PPFIBP2: variants seen among roughly 807,000 people sequenced by gnomAD.
The protein encoded by PPFIBP2 is PPFIB scaffold protein 2.
In PPFIBP2, 118 loss-of-function variants were observed where a neutral mutation model predicts 118.3. The observed-to-expected ratio is 1.00, with a 90% CI of 0.86 to 1.16. The LOEUF (loss-of-function observed/expected upper bound fraction) is 1.16. Ranked by LOEUF, PPFIBP2 falls within the 50% of genes most tolerant of loss-of-function variation. The pLI, the probability that PPFIBP2 is intolerant of heterozygous loss-of-function variation, is 0.00. For synonymous variants in PPFIBP2, 414 were observed against 397.4 expected, an observed-to-expected ratio of 1.04 and a Z score of -0.50; for missense variants, 1,195 against 1,073.1, an observed-to-expected ratio of 1.11 and a Z score of -1.59.
At chr11:7,635,476 C>T (rs942049743) in intron 13 of PPFIBP2, 76 bp from the exon 14 acceptor site, 2 of 1,399,334 alleles carry the variant, frequency 1.4e-6, no homozygotes, top group Admixed American at 1.7e-5. Flanking sequence ...AACAGGTAGT[C>T]CTGAGTTGTT....
At chr11:7,597,414 C>T (rs908989637) in intron 4 of PPFIBP2, 146 bp from the exon 5 acceptor site, 4 of 1,538,332 alleles carry the variant, frequency 2.6e-6, no homozygotes, top group Admixed American at 3.9e-5. Context: ...AGGACACTTC[C>T]TCCACCTGCC....
intron 12 of PPFIBP2, 137 bp from the exon 13 acceptor site, chr11:7,634,358 T>A (rs1851173235): frequency 4.4e-6 from 3 of 683,926 alleles, no homozygotes; most frequent in Non-Finnish European, 7.6e-6. Context: ...GTAAAGGCTA[T>A]TATGAGAGGG....
chr11:7,542,164 A>T (rs1851857536), intron 1 of PPFIBP2, among the ~76,000 whole-genome samples: 1 of 152,228 alleles, frequency 6.6e-6, no homozygotes. Flanking sequence ...ACAGGAGGAA[A>T]AATGGTGTGC....
chr11:7,515,811 C>T (rs764865049), intron 1 of PPFIBP2, among the ~76,000 whole-genome samples: 6 of 152,144 alleles, frequency 3.9e-5, no homozygotes, highest in Non-Finnish European at 8.8e-5. Context: ...GGTCCTTGAC[C>T]CTCCCAATTC....
the PPFIBP2 span, among the ~76,000 whole-genome samples, chr11:7,662,835 C>G: frequency 5.3e-5 from 8 of 151,204 alleles, no homozygotes; most frequent in African/African-American, 1.9e-4. Flanking sequence ...TTCTTGGAGG[C>G]TTTGTTCATT....
At chr11:7,566,070 A>G (rs959058882) in intron 3 of PPFIBP2, among the ~76,000 whole-genome samples, 17 of 151,836 alleles carry the variant, frequency 1.1e-4, no homozygotes, top group African/African-American at 3.6e-4. Flanking sequence ...CTCGAATTAC[A>G]TGTACTGCTT....
At chr11:7,598,108 C>A (rs1251509918) in intron 5 of PPFIBP2, 3 of 153,650 alleles carry the variant, frequency 2.0e-5, no homozygotes, top group African/African-American at 7.7e-5. Flanking sequence ...ATATAAATAA[C>A]CTTTTAGTAT....
the PPFIBP2 span, among the ~76,000 whole-genome samples, chr11:7,664,469 C>A: frequency 1.3e-5 from 2 of 152,276 alleles, no homozygotes; most frequent in East Asian, 3.9e-4. Context: ...TGTTTAGCAG[C>A]ATCCTTGGTC....
chr11:7,555,912 A>C (rs1337860630), intron 2 of PPFIBP2, among the ~76,000 whole-genome samples: 1 of 152,128 alleles, frequency 6.6e-6, no homozygotes, highest in Admixed American at 6.6e-5. Flanking sequence ...TTCTTGTTTG[A>C]AGATTTTTTT....
At chr11:7,558,646 C>T (rs1429683809) in intron 2 of PPFIBP2, among the ~76,000 whole-genome samples, 1 of 151,830 alleles carries the variant, frequency 6.6e-6, no homozygotes, top group Non-Finnish European at 1.5e-5. Context: ...CTCCCACCTA[C>T]TCGGGAGGCT....
rs578043447 is a variant in PPFIBP2, at chr11:7,578,469, C to T, written c.279+12702C>T. ...GGAAGGGGCATGCAGATGCCCGGAC[C>T]CCGACTCCCGGACACTGAGCTGGCT... On this transcript the variant is annotated intron_variant, in intron 3 of 23. Transcript: ENST00000299492. Among the ~76,000 whole-genome samples, 7 of 152,292 alleles carry T rather than the reference C, an allele frequency of 4.6e-5. No homozygotes were observed. The East Asian group carries it at 1.4e-3, about 29-fold the overall frequency.
At position 7,649,516 on chromosome 11, in the gene PPFIBP2, A is replaced by G; in HGVS notation, c.1999-16A>G. 1 of 1,614,096 alleles carries G rather than the reference A, an allele frequency of 6.2e-7. No individual in the cohort carries two copies. Among genetic ancestry groups the G allele is most frequent in the South Asian group, 1.1e-5 (1 of 91,054 alleles). Reference sequence around the variant, plus strand: ...TTTGGAAACTCTGGTTTATAAACCAAACTTTCCTCTTTCAGAACGATTTAC... The same window carrying G: ...TTTGGAAACTCTGGTTTATAAACCAGACTTTCCTCTTTCAGAACGATTTAC... On this transcript the variant is annotated splice_polypyrimidine_tract_variant and intron_variant, in intron 20 of 23. Coordinates refer to ENST00000299492, the MANE Select transcript of PPFIBP2 (RefSeq NM_003621.5).
At chr11:7,639,618 AC>A (rs2135868901) in intron 14 of PPFIBP2, 113 bp from the exon 15 acceptor site, 1 of 1,343,492 alleles carries the variant, frequency 7.4e-7, no homozygotes, top group South Asian at 1.2e-5. Context: ...TGTTCAAGTC[AC>A]CATATGTGAA....
chr11:7,617,566 G>A (rs949042140), intron 6 of PPFIBP2, among the ~76,000 whole-genome samples: 9 of 152,242 alleles, frequency 5.9e-5, no homozygotes, highest in East Asian at 3.9e-4. Context: ...CAGGTGCTCC[G>A]AGTGATGGGG....
At chr11:7,537,269 A>G (rs1206099392) in intron 1 of PPFIBP2, among the ~76,000 whole-genome samples, 1 of 152,154 alleles carries the variant, frequency 6.6e-6, no homozygotes, top group Non-Finnish European at 1.5e-5. Flanking sequence ...CAGGGCTGAT[A>G]ATTGTACTAT....
intron 6 of PPFIBP2, among the ~76,000 whole-genome samples, chr11:7,613,749 G>T (rs1055147329): frequency 1.3e-5 from 2 of 152,190 alleles, no homozygotes; most frequent in African/African-American, 4.8e-5. Context: ...TCTCCATGCT[G>T]TGGAGGTGCC....
intron 16 of PPFIBP2, chr11:7,642,007 C>A: frequency 2.4e-6 from 1 of 416,076 alleles, no homozygotes; most frequent in Non-Finnish European, 4.3e-6. Context: ...GCTGGCCCAA[C>A]TGATCCACTT....
chr11:7,565,807 T>G, intron 3 of PPFIBP2, 40 bp downstream of exon 3: 1 of 1,601,778 alleles, frequency 6.2e-7, no homozygotes, highest in African/African-American at 1.3e-5. Context: ...CACTGGGGAA[T>G]GTAATGGTGC....
At chr11:7,595,287 G>A (rs1250522807) in intron 4 of PPFIBP2, among the ~76,000 whole-genome samples, 2 of 152,178 alleles carry the variant, frequency 1.3e-5, no homozygotes, top group Non-Finnish European at 1.5e-5. Context: ...ATGTTTGAGG[G>A]ATGTGTAATT....
Sources: gnomAD v4.1 joint callset for allele counts (sites outside exome capture counted in the v4.1 genomes callset) on GRCh38, gnomAD v4.1.1 for gene constraint, MANE v1.5 for transcripts, NCBI Gene and HGNC (gene_info 2026-07-23, HGNC 2026-07-21) for gene names.